The following NCK1 variants were observed in gnomAD, a reference collection of about 807,000 sequenced individuals.
NCK1 encodes the protein SH2/SH3 adapter protein NCK1.
In NCK1, 19 loss-of-function variants were observed where a neutral mutation model predicts 36.6. The ratio of observed to expected loss-of-function variants is 0.52; its 90% CI spans 0.36 to 0.76. NCK1 has a LOEUF of 0.76. NCK1 is among the 30% of genes least tolerant of loss of function. The pLI is 0.00. For missense variants in NCK1, 358 were observed against 445.6 expected (o/e 0.80, Z 1.77); for synonymous variants, 165 against 156.0 (o/e 1.06, Z -0.43).
intron 1 of NCK1, among the ~76,000 whole-genome samples, chr3:136,915,295 G>C (rs1392348393): frequency 6.6e-6 from 1 of 152,140 alleles, no homozygotes; most frequent in Non-Finnish European, 1.5e-5. Flanking sequence ...GGTCTGTGGG[G>C]GGTTGACGTA....
chr3:136,890,218 A>G (rs908737970), intron 1 of NCK1, among the ~76,000 whole-genome samples: 6 of 151,898 alleles, frequency 4.0e-5, no homozygotes, highest in Admixed American at 2.0e-4. Flanking sequence ...GACCCAGTAC[A>G]CCCTCTTCAG....
chr3:136,944,363 C>A (rs1041147821), intron 2 of NCK1, among the ~76,000 whole-genome samples: 1 of 152,066 alleles, frequency 6.6e-6, no homozygotes, highest in Admixed American at 6.5e-5. Context: ...TGTGATCTGC[C>A]CGCCTCAGCC....
intron 1 of NCK1, among the ~76,000 whole-genome samples, chr3:136,919,748 G>T (rs1321079513): frequency 6.6e-6 from 1 of 152,152 alleles, no homozygotes; most frequent in Non-Finnish European, 1.5e-5. Flanking sequence ...GAAGGGTACT[G>T]TTGGCTGTGT....
chr3:136,918,681 G>A (rs1246954118), intron 1 of NCK1, among the ~76,000 whole-genome samples: 1 of 152,154 alleles, frequency 6.6e-6, no homozygotes, highest in African/African-American at 2.4e-5. Context: ...ATTTTTTGGT[G>A]ATTATTTTAA....
chr3:136,863,133 C>G (rs991711036), intron 1 of NCK1, among the ~76,000 whole-genome samples: 8 of 151,880 alleles, frequency 5.3e-5, no homozygotes, highest in African/African-American at 1.9e-4. Context: ...CTGATGGACC[C>G]GGAGTCACCT....
At chr3:136,939,052 T>C (rs1406533872) in intron 2 of NCK1, among the ~76,000 whole-genome samples, 3 of 152,240 alleles carry the variant, frequency 2.0e-5, no homozygotes, top group Admixed American at 6.5e-5. Flanking sequence ...GAAGCATTGA[T>C]GTTAATTCCT....
chr3:136,915,977 C>G (rs1478964034), intron 1 of NCK1, among the ~76,000 whole-genome samples: 2 of 152,110 alleles, frequency 1.3e-5, no homozygotes, highest in Non-Finnish European at 1.5e-5. Context: ...CTGCCCACCT[C>G]GGCCTCCTAA....
intron 2 of NCK1, among the ~76,000 whole-genome samples, chr3:136,929,775 A>G (rs1940345689): frequency 1.3e-5 from 2 of 152,222 alleles, no homozygotes; most frequent in Admixed American, 1.3e-4. Flanking sequence ...TGTGACAGTA[A>G]TTAACAAAAT....
chr3:136,883,266 A>G (rs561744168), intron 1 of NCK1, among the ~76,000 whole-genome samples: 4 of 152,044 alleles, frequency 2.6e-5, no homozygotes, highest in South Asian at 2.1e-4. Flanking sequence ...GTCTCTCCCA[A>G]CCTCACATTG....
intron 2 of NCK1, among the ~76,000 whole-genome samples, chr3:136,932,577 T>C (rs1940421658): frequency 6.6e-6 from 1 of 152,202 alleles, no homozygotes; most frequent in African/African-American, 2.4e-5. Flanking sequence ...TATTTATATG[T>C]GGTATTTCTT....
chr3:136,911,695 C>T (rs1008897486), intron 1 of NCK1, among the ~76,000 whole-genome samples: 24 of 152,152 alleles, frequency 1.6e-4, no homozygotes, highest in African/African-American at 5.3e-4. Context: ...TGTCTCTTCG[C>T]TTTGTTAATT....
At position 136,870,511 on chromosome 3, in the gene NCK1, G is replaced by A. The variant is rs183338637; in HGVS notation, c.-19+8158G>A. Among the ~76,000 whole-genome samples, 306 of 151,884 alleles carry A rather than the reference G, an allele frequency of 2.0e-3. 1 individual carries two copies. The highest frequency in any genetic ancestry group is 3.3e-3 in the Non-Finnish European group (221 of 67,954). On this transcript the variant is annotated intron_variant, in intron 1 of 3. Transcript: ENST00000481752. ...TATTTTATAAATTTAATAGGGCTGG[G>A]CAGTTTTTTTTGGAAATGCTTGATC...
intron 1 of NCK1, among the ~76,000 whole-genome samples, chr3:136,911,022 T>C (rs1007326267): frequency 1.3e-5 from 2 of 152,236 alleles, no homozygotes; most frequent in Admixed American, 1.3e-4. Context: ...CATGTCTTTC[T>C]GTGCCGGCTT....
At chr3:136,928,462 G>A (rs1461837616) in intron 2 of NCK1, 2 of 500,722 alleles carry the variant, frequency 4.0e-6, no homozygotes, top group East Asian at 6.7e-5. Context: ...ATACCAATGA[G>A]TAGAACTAAC....
At chr3:136,876,468 A>G (rs1461392473) in intron 1 of NCK1, among the ~76,000 whole-genome samples, 1 of 152,202 alleles carries the variant, frequency 6.6e-6, no homozygotes, top group African/African-American at 2.4e-5. Flanking sequence ...TAAAGGGGAT[A>G]TCACCACCGA....
At chr3:136,927,568 C>G (rs1035286435) in intron 1 of NCK1, among the ~76,000 whole-genome samples, 1 of 152,152 alleles carries the variant, frequency 6.6e-6, no homozygotes, top group African/African-American at 2.4e-5. Flanking sequence ...TGTCGCCAGG[C>G]TGGAGTGCAG....
At chr3:136,923,598 C>T (rs1037651750) in intron 1 of NCK1, among the ~76,000 whole-genome samples, 5 of 115,026 alleles carry the variant, frequency 4.3e-5, no homozygotes, top group African/African-American at 1.8e-4. Context: ...AAATAAATGG[C>T]TGTCCAGTGG....
chr3:136,911,529 A>G (rs570437309), intron 1 of NCK1, among the ~76,000 whole-genome samples: 2 of 152,172 alleles, frequency 1.3e-5, no homozygotes, highest in South Asian at 2.1e-4. Flanking sequence ...TGCCATTTTC[A>G]TGTCTTTTTT....
At chr3:136,938,406 A>T (rs1345067824) in intron 2 of NCK1, among the ~76,000 whole-genome samples, 1 of 152,186 alleles carries the variant, frequency 6.6e-6, no homozygotes, top group East Asian at 1.9e-4. Flanking sequence ...GGACATGTGC[A>T]GTGTGGCAAA....
Sources: allele counts gnomAD v4.1 joint callset (sites outside exome capture counted in the v4.1 genomes callset), GRCh38; gene constraint gnomAD v4.1.1; transcripts MANE v1.5; gene names NCBI Gene and HGNC (gene_info 2026-07-23, HGNC 2026-07-21).